The following CANX variants were observed in gnomAD, a reference collection of about 807,000 sequenced individuals.
The protein encoded by CANX is calnexin, also known as epididymis secretory sperm binding protein.
A neutral mutation model predicts 75.7 loss-of-function variants in CANX; 14 were observed. The observed-to-expected ratio is 0.19, with a 90% CI of 0.12 to 0.29. CANX has a LOEUF of 0.29. Among genes scored for constraint, CANX ranks in the 10% least tolerant of loss-of-function variants. The pLI, the probability that CANX is intolerant of heterozygous loss-of-function variation, is 1.00. For missense variants in CANX, 567 were observed against 713.2 expected (o/e 0.79, Z 2.34); for synonymous variants, 227 against 236.9 (o/e 0.96, Z 0.38).
intron 7 of CANX, 177 bp from the exon 8 acceptor site, chr5:179,715,928 G>A (rs773765098): frequency 7.8e-5 from 53 of 675,636 alleles, no homozygotes; most frequent in African/African-American, 2.0e-4. Context: ...TTTATGTTTC[G>A]TGCATAAGGA....
intron 11 of CANX, 79 bp from the exon 12 acceptor site, chr5:179,723,578 TAAC>T (rs1244869607): frequency 8.5e-5 from 124 of 1,464,186 alleles, no homozygotes; most frequent in Middle Eastern, 3.6e-4. Flanking sequence ...TGCCATGCCA[TAAC>T]TGAACTGCAG....
At chr5:179,687,971 G>T (rs1281870462) in intron 1 of CANX, among the ~76,000 whole-genome samples, 1 of 151,764 alleles carries the variant, frequency 6.6e-6, no homozygotes. Flanking sequence ...GGAGGTGGAC[G>T]TTGCAGTGAG....
chr5:179,728,624 A>G lies in CANX; in HGVS notation c.1759A>G (p.Arg587Gly), dbSNP rs1390131983. 1 of 1,609,044 alleles carries G rather than the reference A, an allele frequency of 6.2e-7. No individual in the cohort carries two copies. The highest frequency in any genetic ancestry group is 1.1e-5 in the South Asian group (1 of 90,966). Residue 587 changes from arginine (R) to glycine (G), a missense_variant, in exon 15 of 15, where the codon AGA becomes GGA. Arg to Gly is a moderately radical substitution (Grantham distance 125). This residue lies in a region of CANX where 167 missense variants were observed against 179.3 expected (regional missense o/e 0.93). Transcript: ENST00000247461. ...DEILNRSPRNRKPRRE is the reference protein window; with the variant it reads ...DEILNRSPRNGKPRRE The stretch of plus-strand genomic sequence containing the variant: ...AATTTTGAACAGATCACCAAGAAAC[A>G]GAAAGCCACGAAGAGAGTGAAACAA...
At chr5:179,703,366 C>T (rs767491087) in intron 1 of CANX, among the ~76,000 whole-genome samples, 4 of 151,780 alleles carry the variant, frequency 2.6e-5, no homozygotes, top group Admixed American at 1.3e-4. Context: ...TACAGGTGTG[C>T]GCCACCACAC....
chr5:179,708,529 G>A (rs370540574), intron 5 of CANX, 149 bp downstream of exon 5: 4 of 559,354 alleles, frequency 7.2e-6, no homozygotes, highest in East Asian at 6.2e-5. Context: ...GTAATTAATA[G>A]TTTTTCCTGG....
intron 8 of CANX, among the ~76,000 whole-genome samples, chr5:179,718,392 C>A (rs1778101755): frequency 6.6e-6 from 1 of 152,022 alleles, no homozygotes; most frequent in South Asian, 2.1e-4. Context: ...ACAAAAAATT[C>A]TTGTATTTTT....
At chr5:179,689,815 T>G (rs1167066402) in intron 1 of CANX, among the ~76,000 whole-genome samples, 1 of 152,170 alleles carries the variant, frequency 6.6e-6, no homozygotes, top group East Asian at 1.9e-4. Context: ...GTTAACTCCT[T>G]TCACAAGAAG....
chr5:179,703,173 A>G (rs1776883736), intron 1 of CANX, among the ~76,000 whole-genome samples: 1 of 151,458 alleles, frequency 6.6e-6, no homozygotes, highest in Admixed American at 6.6e-5. Context: ...TTGGACTCCC[A>G]ATGTGCTGGG....
rs1778701786 is a variant in CANX, at chr5:179,726,747, A to T, written c.1713A>T (p.Lys571Asn). 3.7e-6 allele frequency: 6 copies of T among 1,612,396 alleles called. No homozygotes were observed. Among genetic ancestry groups the T allele is most frequent in the Non-Finnish European group, 5.1e-6 (6 of 1,178,450 alleles). Residue 571 changes from lysine to asparagine, a missense_variant, in exon 14 of 15, where the codon AAA (lysine) becomes AAT (asparagine). By Grantham distance (94) the Lys-to-Asn change is moderately conservative. This residue lies in a region of CANX where 167 missense variants were observed against 179.3 expected (regional missense o/e 0.93). Transcript: ENST00000247461. ...TCAGTCAAGAGGAGGAAGACAGAAA[A>T]CCTAAAGCAGAGGTAAAGGAAAGGG... ...GTVSQEEEDR[K>N]PKAEEDEILN... is the part of the protein sequence containing the mutation.
intron 7 of CANX, among the ~76,000 whole-genome samples, chr5:179,714,939 A>G (rs1158945922): frequency 6.6e-6 from 1 of 151,664 alleles, no homozygotes; most frequent in African/African-American, 2.4e-5. Flanking sequence ...TAGTTTTTGT[A>G]TTTTTAGTAG....
chr5:179,679,430 C>T (rs1775996610), intron 1 of CANX: 1 of 612,410 alleles, frequency 1.6e-6, no homozygotes, highest in East Asian at 2.8e-5. Context: ...GCAGCAGTCT[C>T]ACCTAAACCA....
Position 179,710,070 on chromosome 5 carries a change from G to A in CANX, c.721+5G>A. 1 of 1,521,496 alleles carries A rather than the reference G, an allele frequency of 6.6e-7. No individual in the cohort carries two copies. The highest frequency in any genetic ancestry group is 1.8e-5 in the Admixed American group (1 of 54,284). The allele number at this position is 1,521,496 out of a possible 1,614,324, so 94.2% of individuals were successfully genotyped here. On this transcript the variant is annotated splice_donor_5th_base_variant and intron_variant, in intron 7 of 14. Coordinates refer to ENST00000247461, the MANE Select transcript of CANX (RefSeq NM_001746.4). ...AAACACATCTTTACACACTAAGTAA[G>A]AAAAAGCATTAGTTTGGGGGCTTAT...
At chr5:179,713,290 C>CA (rs1448692274) in intron 7 of CANX, among the ~76,000 whole-genome samples, 1 of 152,078 alleles carries the variant, frequency 6.6e-6, no homozygotes, top group African/African-American at 2.4e-5. Flanking sequence ...AGGCTGATCT[C>CA]AAACTCTTGG....
rs1581810193 is a variant in CANX, at chr5:179,680,742, C to G, written c.-4+1965C>G. 5 of 646,516 alleles carry G rather than the reference C, an allele frequency of 7.7e-6. No individual in the cohort carries two copies. In the Admixed American group the frequency reaches 1.3e-4, roughly 17 times the overall value. 40.0% of individuals were successfully genotyped at this position (646,516 alleles called of 1,614,324 possible). A position where few individuals can be genotyped will look rare whatever the true frequency, so the allele number is the denominator to read the frequency against. ...TGAAAAAGGGAGCTATGTGTTGTTT[C>G]TAATTCCTCTTCTGCCCATGGGCAG... is the stretch of plus-strand genomic sequence containing the variant. On this transcript the variant is annotated intron_variant, in intron 1 of 14. Coordinates refer to the CANX transcript ENST00000681674.
At position 179,705,788 on chromosome 5, in the gene CANX, A is replaced by G; in HGVS notation, c.107A>G (p.Asp36Gly). 1 of 1,612,786 alleles carries G rather than the reference A, an allele frequency of 6.2e-7. No individual in the cohort carries two copies. The highest frequency in any genetic ancestry group is 8.5e-7 in the Non-Finnish European group (1 of 1,178,808). The change falls in exon 2 of 15, where the codon GAC (aspartate) becomes GGC (glycine). Residue 36 changes from aspartate (D) to glycine (G), a missense_variant. Around this residue, in one of 3 missense-constraint regions of CANX, gnomAD observed 351 missense variants for 433.8 expected, o/e 0.81. Coordinates refer to ENST00000247461, the MANE Select transcript of CANX (RefSeq NM_001746.4). ...DDVIDIEDDL[D>G]DVIEEVEDSK... ...GTGATTGATATTGAGGATGACCTTG[A>G]CGATGTCATTGAAGAGGTAGAAGAC...
exon 1 of CANX, chr5:179,678,682 C>G: frequency 3.3e-6 from 5 of 1,536,136 alleles, no homozygotes; most frequent in South Asian, 2.4e-5. Context: ...CCGCAGCCGT[C>G]GGGATCACCT....
intron 1 of CANX, chr5:179,700,440 C>T (rs1776661241): frequency 6.6e-6 from 1 of 152,128 alleles, no homozygotes; most frequent in Non-Finnish European, 1.5e-5. Flanking sequence ...TATGGATCAA[C>T]TGTTGTACAT....
At chr5:179,726,621 C>T (rs1033265724) in intron 13 of CANX, 59 bp from the exon 14 acceptor site, 3 of 1,108,068 alleles carry the variant, frequency 2.7e-6, no homozygotes, top group Non-Finnish European at 4.0e-6. Flanking sequence ...TGTTCTAATG[C>T]TAATATATAA....
chr5:179,685,140 C>T (rs112127871), intron 1 of CANX, among the ~76,000 whole-genome samples: 5,935 of 151,944 alleles, frequency 0.039, 153 homozygotes, highest in African/African-American at 0.067. Flanking sequence ...GCCCTGTCAC[C>T]CAGGCTGGAG....
Sources: allele counts gnomAD v4.1 joint callset (sites outside exome capture counted in the v4.1 genomes callset), GRCh38; gene constraint gnomAD v4.1.1; regional missense constraint gnomAD v4.1.1; transcripts MANE v1.5; gene names NCBI Gene and HGNC (gene_info 2026-07-23, HGNC 2026-07-21).